The following EYA2 variants were observed in gnomAD, a reference collection of about 807,000 sequenced individuals.
EYA2 encodes the protein EYA transcriptional coactivator and phosphatase 2.
In EYA2, 31 loss-of-function variants were observed where a neutral mutation model predicts 69.2. That is an observed-to-expected ratio of 0.45 (90% CI 0.34 to 0.60). EYA2 has a LOEUF of 0.60. Ranked by LOEUF, EYA2 falls within the 20% of genes least tolerant of loss-of-function variation. The pLI, the probability that EYA2 is intolerant of heterozygous loss-of-function variation, is 0.02. For synonymous variants in EYA2, 257 were observed against 279.4 expected, an observed-to-expected ratio of 0.92 and a Z score of 0.80; for missense variants, 622 against 701.2, an observed-to-expected ratio of 0.89 and a Z score of 1.28.
intron 12 of EYA2, among the ~76,000 whole-genome samples, chr20:47,173,939 T>C (rs2034379680): frequency 6.6e-6 from 1 of 152,206 alleles, no homozygotes; most frequent in Non-Finnish European, 1.5e-5. Flanking sequence ...GCCCCCTGGC[T>C]TCAGGTACTA....
intron 4 of EYA2, among the ~76,000 whole-genome samples, chr20:47,005,381 G>A (rs2146352060): frequency 6.6e-6 from 1 of 152,340 alleles, no homozygotes; most frequent in African/African-American, 2.4e-5. Flanking sequence ...GGTATGACTG[G>A]ATCTAGGTGC....
chr20:46,900,385 G>A (rs1165428481), intron 1 of EYA2, among the ~76,000 whole-genome samples: 1 of 152,128 alleles, frequency 6.6e-6, no homozygotes, highest in South Asian at 2.1e-4. Context: ...AAATACACGT[G>A]TATTAGCCAA....
chr20:47,083,610 TTATCTA>T (rs1314454608), intron 7 of EYA2, among the ~76,000 whole-genome samples: 1 of 149,318 alleles, frequency 6.7e-6, no homozygotes, highest in African/African-American at 2.5e-5. Context: ...GAACAACTGA[TTATCTA>T]TACTTCATAC....
At chr20:47,124,189 G>T (rs1020675140) in intron 9 of EYA2, among the ~76,000 whole-genome samples, 1 of 152,158 alleles carries the variant, frequency 6.6e-6, no homozygotes, top group Non-Finnish European at 1.5e-5. Flanking sequence ...GTGAGGTCCT[G>T]CTCATTTTAT....
At chr20:47,039,835 C>CTTTGTTTT (rs1984939303) in intron 5 of EYA2, among the ~76,000 whole-genome samples, 1 of 69,806 alleles carries the variant, frequency 1.4e-5, no homozygotes, top group African/African-American at 6.1e-5. Flanking sequence ...AGATCAAATA[C>CTTTGTTTT]TTTTTTTTTT....
At chr20:47,103,368 T>C (rs530940955) in intron 9 of EYA2, among the ~76,000 whole-genome samples, 1 of 152,332 alleles carries the variant, frequency 6.6e-6, no homozygotes, top group Non-Finnish European at 1.5e-5. Context: ...GTACGTGTGA[T>C]CATCCGTGTT....
intron 1 of EYA2, chr20:46,978,288 T>G: frequency 7.3e-6 from 2 of 272,246 alleles, no homozygotes; most frequent in East Asian, 9.1e-5. Flanking sequence ...CTAGGGAAAT[T>G]AAATAACTCA....
At chr20:47,045,606 C>T (rs976800895) in intron 5 of EYA2, among the ~76,000 whole-genome samples, 21 of 152,206 alleles carry the variant, frequency 1.4e-4, no homozygotes, top group African/African-American at 4.8e-4. Context: ...GGATTTGTTA[C>T]CTTGAAGACG....
intron 10 of EYA2, among the ~76,000 whole-genome samples, chr20:47,145,413 A>C (rs976248877): frequency 2.3e-4 from 35 of 152,302 alleles, no homozygotes; most frequent in African/African-American, 8.4e-4. Context: ...TGGAGGCCGA[A>C]GTGCAGGAGT....
intron 5 of EYA2, among the ~76,000 whole-genome samples, chr20:47,046,600 G>T (rs926724136): frequency 3.9e-5 from 6 of 152,164 alleles, no homozygotes; most frequent in Non-Finnish European, 8.8e-5. Flanking sequence ...TTGTGTAGGG[G>T]GGTGGGCTGG....
intron 5 of EYA2, among the ~76,000 whole-genome samples, chr20:47,063,507 G>A (rs1435542493): frequency 6.6e-6 from 1 of 151,570 alleles, no homozygotes. Context: ...TCCTAGAACT[G>A]AATCAAAAGG....
rs552712940 is a variant in EYA2 at position 47,131,332 on chromosome 20, C to A, written c.889-11727C>A. Among the ~76,000 whole-genome samples, 61 of 152,310 alleles carry A rather than the reference C, an allele frequency of 4.0e-4. No homozygotes were observed. The South Asian group carries it at 0.013, about 32-fold the overall frequency. ...AACTATTACAACGAACAAAATGCTTCCCCCACAAATTTCCAAACCACTGTC... is the reference window on the plus strand; with the variant it reads ...AACTATTACAACGAACAAAATGCTTACCCCACAAATTTCCAAACCACTGTC... On this transcript the variant is annotated intron_variant, in intron 9 of 15. Transcript: ENST00000327619.
intron 5 of EYA2, among the ~76,000 whole-genome samples, chr20:47,063,969 A>G (rs549094398): frequency 6.6e-6 from 1 of 152,310 alleles, no homozygotes; most frequent in African/African-American, 2.4e-5. Context: ...GCCCTCCACC[A>G]GTAACAACAG....
At chr20:47,001,749 G>A (rs571630760) in intron 3 of EYA2, among the ~76,000 whole-genome samples, 4 of 151,750 alleles carry the variant, frequency 2.6e-5, no homozygotes, top group Admixed American at 2.6e-4. Flanking sequence ...AGTGTCCTCA[G>A]AGTCTTAGCT....
At chr20:47,077,492 C>T (rs1180302971) in intron 7 of EYA2, among the ~76,000 whole-genome samples, 1 of 152,128 alleles carries the variant, frequency 6.6e-6, no homozygotes, top group Admixed American at 6.5e-5. Context: ...TAAGCTAGCA[C>T]GATGGTGTGG....
At chr20:46,923,006 T>C (rs1293763501) in intron 1 of EYA2, among the ~76,000 whole-genome samples, 1 of 151,996 alleles carries the variant, frequency 6.6e-6, no homozygotes, top group Non-Finnish European at 1.5e-5. Context: ...GAACATTCCA[T>C]TTCAAAAAAA....
intron 10 of EYA2, among the ~76,000 whole-genome samples, chr20:47,148,392 C>T (rs1454763579): frequency 2.0e-5 from 3 of 152,172 alleles, no homozygotes; most frequent in Admixed American, 1.3e-4. Flanking sequence ...ACAGGGGCTA[C>T]ATGTGTCCCT....
rs1404385933 is a variant in EYA2, at chr20:47,183,384, C to A, written c.1529C>A (p.Ala510Glu). The change falls in exon 15 of 16, where the codon GCG (alanine) becomes GAG (glutamate). Residue 510 changes from alanine (A) to glutamate (E), a missense_variant. Ala to Glu is a moderately radical substitution (Grantham distance 107, BLOSUM62 -1). Transcript: ENST00000327619. The stretch of plus-strand genomic sequence containing the variant: ...GATGGTGTGGAAGAGGAGCAAGGAG[C>A]GAAAAAGGTACTTCTTCCACCTCTC... ...IGDGVEEEQGAKKHNMPFWRI... is the reference protein window; with the variant it reads ...IGDGVEEEQGEKKHNMPFWRI... The A allele has an allele frequency of 6.2e-7, 1 of 1,612,924 alleles. No individual in the cohort carries two copies. Among genetic ancestry groups the A allele is most frequent in the Non-Finnish European group, 8.5e-7 (1 of 1,179,624 alleles).
intron 5 of EYA2, chr20:47,071,921 C>A: frequency 2.1e-6 from 1 of 483,696 alleles, no homozygotes; most frequent in Non-Finnish European, 3.8e-6. Flanking sequence ...GCCATAGCCA[C>A]GGCCGCATCA....
Sources: gnomAD v4.1 joint callset for allele counts (sites outside exome capture counted in the v4.1 genomes callset) on GRCh38, gnomAD v4.1.1 for gene constraint, MANE v1.5 for transcripts, NCBI Gene and HGNC (gene_info 2026-07-23, HGNC 2026-07-21) for gene names.